The following ZCCHC7 variants were observed in gnomAD, a reference collection of about 807,000 sequenced individuals.
The protein encoded by ZCCHC7 is zinc finger CCHC domain-containing protein 7.
Under a neutral mutation model 52.0 loss-of-function variants are expected in ZCCHC7, and 35 were observed. The ratio of observed to expected loss-of-function variants is 0.67; its 90% CI spans 0.51 to 0.89. The LOEUF is 0.89. Ranked by LOEUF, ZCCHC7 falls within the 40% of genes least tolerant of loss-of-function variation. ZCCHC7 has a pLI of 0.00. For synonymous variants in ZCCHC7, 217 were observed against 221.5 expected, an observed-to-expected ratio of 0.98 and a Z score of 0.18; for missense variants, 574 against 649.1, an observed-to-expected ratio of 0.88 and a Z score of 1.26.
At chr9:37,230,080 A>G (rs994210422) in intron 2 of ZCCHC7, among the ~76,000 whole-genome samples, 1 of 152,226 alleles carries the variant, frequency 6.6e-6, no homozygotes, top group African/African-American at 2.4e-5. Context: ...AAACACACAC[A>G]GAACAGTCAT....
At chr9:37,230,154 A>T (rs1825327507) in intron 2 of ZCCHC7, among the ~76,000 whole-genome samples, 1 of 152,190 alleles carries the variant, frequency 6.6e-6, no homozygotes, top group African/African-American at 2.4e-5. Context: ...TAACTTTTTT[A>T]AAAAGTAAGT....
At position 37,357,126 on chromosome 9, in the gene ZCCHC7, G is replaced by T. The variant is rs562430225; in HGVS notation, c.1490G>T (p.Arg497Leu). ...KTQKPSKPFHRSSHYHTSRED... is the reference protein window; with the variant it reads ...KTQKPSKPFHLSSHYHTSRED... ...CAGAAGCCTTCTAAGCCCTTTCACC[G>T]TTCATCACATTACCACACGTCAAGA... The change falls in exon 9 of 9, where the codon CGT becomes CTT. Residue 497 changes from arginine (R) to leucine (L), a missense_variant. By Grantham distance (102) the Arg-to-Leu change is moderately radical. Transcript: ENST00000336755. The T allele has an allele frequency of 6.8e-6, 11 of 1,613,294 alleles. No homozygotes were observed.
At chr9:37,238,328 AT>A (rs1471268027) in intron 2 of ZCCHC7, among the ~76,000 whole-genome samples, 2 of 151,954 alleles carry the variant, frequency 1.3e-5, no homozygotes, top group Admixed American at 6.6e-5. Context: ...CATATTCCTG[AT>A]TTTTTTGTAG....
chr9:37,276,918 T>C (rs181449343), intron 2 of ZCCHC7, among the ~76,000 whole-genome samples: 234 of 152,306 alleles, frequency 1.5e-3, no homozygotes, highest in African/African-American at 5.5e-3. Flanking sequence ...AGTAGTTCTC[T>C]TTGCCTCCAA....
At chr9:37,200,388 C>A (rs1436913541) in intron 2 of ZCCHC7, among the ~76,000 whole-genome samples, 1 of 152,146 alleles carries the variant, frequency 6.6e-6, no homozygotes, top group African/African-American at 2.4e-5. Context: ...CCAAGTTTTC[C>A]CCTTCATTTA....
chr9:37,340,367 G>A (rs1376086667), intron 6 of ZCCHC7, among the ~76,000 whole-genome samples: 1 of 147,850 alleles, frequency 6.8e-6, no homozygotes, highest in Non-Finnish European at 1.5e-5. Context: ...TAATCTCCAA[G>A]ATATCACCCT....
In ZCCHC7 at chr9:37,212,662, C is replaced by T. The variant is rs114931693; in HGVS notation, c.610+85720C>T. Among the ~76,000 whole-genome samples the T allele has an allele frequency of 2.7e-3, 418 of 152,308 alleles. 2 individuals are homozygous for T. The highest frequency in any genetic ancestry group is 9.4e-3 in the African/African-American group (389 of 41,564). Reference sequence around the variant, plus strand: ...GCCTTACTTCAGAGTCCCCATCGAACAGATCGTTCACCTTGTTGGATGAAT... The same window carrying T: ...GCCTTACTTCAGAGTCCCCATCGAATAGATCGTTCACCTTGTTGGATGAAT... On this transcript the variant is annotated intron_variant, in intron 2 of 8. Coordinates refer to ENST00000336755, the MANE Select transcript of ZCCHC7 (RefSeq NM_032226.3).
At chr9:37,184,167 A>C (rs1009185630) in intron 2 of ZCCHC7, among the ~76,000 whole-genome samples, 1 of 152,168 alleles carries the variant, frequency 6.6e-6, no homozygotes, top group African/African-American at 2.4e-5. Context: ...TTCTGTAGTT[A>C]AGTATTAGTT....
At chr9:37,131,291 G>A (rs1414993494) in intron 2 of ZCCHC7, among the ~76,000 whole-genome samples, 1 of 150,162 alleles carries the variant, frequency 6.7e-6, no homozygotes, top group Non-Finnish European at 1.5e-5. Flanking sequence ...AGTGAGCCGA[G>A]ATAGCGCCAC....
intron 2 of ZCCHC7, among the ~76,000 whole-genome samples, chr9:37,159,171 T>C (rs1416332192): frequency 6.6e-6 from 1 of 152,232 alleles, no homozygotes; most frequent in Non-Finnish European, 1.5e-5. Flanking sequence ...AGATTTTCAG[T>C]TGCTGTTAGG....
At chr9:37,191,960 A>T (rs774204133) in intron 2 of ZCCHC7, among the ~76,000 whole-genome samples, 1 of 152,256 alleles carries the variant, frequency 6.6e-6, no homozygotes. Flanking sequence ...AACAGCAAAT[A>T]ATCCTTTAGT....
At chr9:37,225,859 A>G (rs986840444) in intron 2 of ZCCHC7, among the ~76,000 whole-genome samples, 3 of 152,256 alleles carry the variant, frequency 2.0e-5, no homozygotes, top group African/African-American at 7.2e-5. Context: ...TCTCACTTTA[A>G]AACTGGGAAG....
At chr9:37,166,542 T>C (rs1821432355) in intron 2 of ZCCHC7, among the ~76,000 whole-genome samples, 1 of 152,152 alleles carries the variant, frequency 6.6e-6, no homozygotes, top group Non-Finnish European at 1.5e-5. Context: ...TCTATTTTTT[T>C]TTAACTTTTT....
intron 2 of ZCCHC7, chr9:37,205,266 T>G: frequency 3.1e-6 from 1 of 319,864 alleles, no homozygotes; most frequent in South Asian, 3.6e-5. Flanking sequence ...TGTTCCTTTT[T>G]GAACAGTACC....
At chr9:37,344,805 T>A (rs1820860008) in intron 6 of ZCCHC7, among the ~76,000 whole-genome samples, 1 of 152,232 alleles carries the variant, frequency 6.6e-6, no homozygotes, top group Non-Finnish European at 1.5e-5. Flanking sequence ...CACTTCTCAG[T>A]TACCTGATCT....
intron 2 of ZCCHC7, among the ~76,000 whole-genome samples, chr9:37,194,340 G>T (rs7036225): frequency 0.051 from 7,701 of 152,186 alleles, 634 homozygotes; most frequent in African/African-American, 0.17. Context: ...TATCGTAAGT[G>T]GTAGGTCAAT....
intron 2 of ZCCHC7, among the ~76,000 whole-genome samples, chr9:37,296,584 C>CTT (rs879621006): frequency 1.4e-5 from 2 of 141,322 alleles, no homozygotes; most frequent in Admixed American, 7.0e-5. Flanking sequence ...GCTATTGTTT[C>CTT]TTTTTTTTTT....
rs555884928 is a variant in ZCCHC7, at chr9:37,335,498, T to G, written c.987+7664T>G. ...GGGATAATGCCTTGTAGGATTTTGT[T>G]AAGTATACGATGAGATGATAAATAT... On this transcript the variant is annotated intron_variant, in intron 6 of 8. Transcript: ENST00000336755. Among the ~76,000 whole-genome samples, 4 of 152,302 alleles carry G rather than the reference T, an allele frequency of 2.6e-5. No individual in the cohort carries two copies. In the East Asian group the frequency reaches 5.8e-4, roughly 22 times the overall value.
intron 2 of ZCCHC7, among the ~76,000 whole-genome samples, chr9:37,294,108 A>G (rs191091694): frequency 0.011 from 1,693 of 152,334 alleles, 16 homozygotes; most frequent in Non-Finnish European, 0.017. Flanking sequence ...TTTGTGACCA[A>G]TGTTATAATT....
Sources: gnomAD v4.1 joint callset for allele counts (sites outside exome capture counted in the v4.1 genomes callset) on GRCh38, gnomAD v4.1.1 for gene constraint, MANE v1.5 for transcripts, NCBI Gene and HGNC (gene_info 2026-07-23, HGNC 2026-07-21) for gene names.